ATXN1: variants seen among roughly 807,000 people sequenced by gnomAD.
ATXN1 encodes the protein ataxin-1.
A neutral mutation model predicts 56.4 loss-of-function variants in ATXN1; 8 were observed. The observed-to-expected ratio is 0.14, with a 90% CI of 0.08 to 0.26. The LOEUF is 0.26. Ranked by LOEUF, ATXN1 falls within the 10% of genes least tolerant of loss-of-function variation. ATXN1 has a pLI of 1.00. For missense variants in ATXN1, 987 were observed against 1,106.5 expected, an observed-to-expected ratio of 0.89 and a Z score of 1.53; for synonymous variants, 514 against 494.6, an observed-to-expected ratio of 1.04 and a Z score of -0.52.
intron 2 of ATXN1, among the ~76,000 whole-genome samples, chr6:16,702,283 T>C (rs1281960679): frequency 1.3e-5 from 2 of 152,218 alleles, no homozygotes; most frequent in African/African-American, 4.8e-5. Context: ...GCTAGCCATA[T>C]GTAGAAAGCC....
intron 3 of ATXN1, among the ~76,000 whole-genome samples, chr6:16,592,667 G>A (rs895023904): frequency 3.9e-5 from 6 of 152,060 alleles, no homozygotes; most frequent in African/African-American, 1.4e-4. Context: ...TCTGTGTCTG[G>A]AGTTGGTTCC....
At chr6:16,715,530 G>GA (rs1759620922) in intron 2 of ATXN1, among the ~76,000 whole-genome samples, 1 of 152,182 alleles carries the variant, frequency 6.6e-6, no homozygotes, top group Non-Finnish European at 1.5e-5. Context: ...TGATCAAGAA[G>GA]ATGTACAATG....
intron 2 of ATXN1, chr6:16,666,491 T>G (rs1335126390): frequency 6.2e-6 from 1 of 161,738 alleles, no homozygotes; most frequent in Non-Finnish European, 1.3e-5. Context: ...TTCTTCTGGA[T>G]ATATACATGA....
chr6:16,612,412 A>G (rs1201895209), intron 3 of ATXN1, among the ~76,000 whole-genome samples: 1 of 152,230 alleles, frequency 6.6e-6, no homozygotes, highest in Non-Finnish European at 1.5e-5. Flanking sequence ...TAACTTGTAC[A>G]TTCAAAAAGA....
chr6:16,476,660 G>C (rs1245652387), intron 6 of ATXN1, among the ~76,000 whole-genome samples: 5 of 152,066 alleles, frequency 3.3e-5, no homozygotes, highest in Non-Finnish European at 1.5e-5. Context: ...TGACCTGGCT[G>C]GGCACACTAC....
At chr6:16,462,335 C>T (rs1404232090) in intron 6 of ATXN1, among the ~76,000 whole-genome samples, 1 of 152,106 alleles carries the variant, frequency 6.6e-6, no homozygotes, top group Non-Finnish European at 1.5e-5. Flanking sequence ...AGACCAGCCT[C>T]GATAAACCTG....
intron 2 of ATXN1, among the ~76,000 whole-genome samples, chr6:16,742,477 T>A (rs953301385): frequency 6.6e-6 from 1 of 152,280 alleles, no homozygotes; most frequent in Non-Finnish European, 1.5e-5. Context: ...AAAAGGGCCT[T>A]AGGGTACTCT....
intron 4 of ATXN1, among the ~76,000 whole-genome samples, chr6:16,526,490 C>T (rs1761396578): frequency 6.6e-6 from 1 of 152,162 alleles, no homozygotes; most frequent in African/African-American, 2.4e-5. Context: ...GGTGGCCGGA[C>T]GCGGTGGCTC....
intron 2 of ATXN1, among the ~76,000 whole-genome samples, chr6:16,718,012 T>G (rs927559535): frequency 1.3e-5 from 2 of 152,252 alleles, no homozygotes; most frequent in Non-Finnish European, 2.9e-5. Context: ...AATTAAGTGA[T>G]GTAAAAACCA....
At chr6:16,381,588 C>T (rs961757943) in intron 6 of ATXN1, among the ~76,000 whole-genome samples, 5 of 152,236 alleles carry the variant, frequency 3.3e-5, no homozygotes, top group Admixed American at 3.3e-4. Context: ...ATGACTTCAT[C>T]ATCCAGTGGC....
chr6:16,324,591 A>T (rs1245753471), intron 7 of ATXN1, among the ~76,000 whole-genome samples: 2 of 152,178 alleles, frequency 1.3e-5, no homozygotes, highest in Non-Finnish European at 2.9e-5. Context: ...GCTCTGTCCC[A>T]TTTGAATGTT....
intron 6 of ATXN1, among the ~76,000 whole-genome samples, chr6:16,362,280 G>A (rs1178655767): frequency 6.6e-6 from 1 of 152,190 alleles, no homozygotes; most frequent in African/African-American, 2.4e-5. Flanking sequence ...AGAGATGCTT[G>A]TAAAAATCTG....
At chr6:16,599,936 T>C (rs963711938) in intron 3 of ATXN1, among the ~76,000 whole-genome samples, 3 of 152,330 alleles carry the variant, frequency 2.0e-5, no homozygotes, top group African/African-American at 7.2e-5. Context: ...GCTGTAGTGT[T>C]ATGAGAGTGT....
intron 2 of ATXN1, among the ~76,000 whole-genome samples, chr6:16,705,997 G>A (rs914300368): frequency 8.6e-5 from 13 of 151,300 alleles, no homozygotes; most frequent in South Asian, 6.2e-4. Flanking sequence ...CTTCCTGATC[G>A]AGACCCTGAG....
In ATXN1 at chr6:16,639,474, C is replaced by A. The variant is rs967717228; in HGVS notation, c.-489+18302G>T. On this transcript the variant is annotated intron_variant, in intron 3 of 7. Transcript: ENST00000436367. ...GATTACAGGCATGCCCCACCACACC[C>A]GGCTAATTTTGTATTTTTAGTAGAG... Among the ~76,000 whole-genome samples the A allele has an allele frequency of 5.9e-5, 9 of 152,272 alleles. No individual in the cohort carries two copies. In the East Asian group the frequency reaches 1.7e-3, roughly 29 times the overall value.
chr6:16,451,162 T>C (rs997569917), intron 6 of ATXN1, among the ~76,000 whole-genome samples: 10 of 152,194 alleles, frequency 6.6e-5, no homozygotes, highest in Admixed American at 5.9e-4. Context: ...GTACAAATTA[T>C]ATAGGATTGA....
intron 4 of ATXN1, among the ~76,000 whole-genome samples, chr6:16,565,844 T>C (rs1188262950): frequency 6.6e-6 from 1 of 152,204 alleles, no homozygotes. Context: ...AACAGGTTAC[T>C]ATGGTCAATG....
intron 6 of ATXN1, among the ~76,000 whole-genome samples, chr6:16,451,943 G>A (rs1759762417): frequency 6.6e-6 from 1 of 152,130 alleles, no homozygotes; most frequent in Admixed American, 6.5e-5. Flanking sequence ...TGCCAGAGAA[G>A]TTTCCTCTGC....
intron 6 of ATXN1, among the ~76,000 whole-genome samples, chr6:16,467,372 A>G (rs1760129021): frequency 6.6e-6 from 1 of 152,204 alleles, no homozygotes; most frequent in African/African-American, 2.4e-5. Flanking sequence ...TATCACGGAG[A>G]TATGCTCCTC....
Sources: allele counts gnomAD v4.1 joint callset (sites outside exome capture counted in the v4.1 genomes callset), GRCh38; gene constraint gnomAD v4.1.1; transcripts MANE v1.5; gene names NCBI Gene and HGNC (gene_info 2026-07-23, HGNC 2026-07-21).